Variants in ST3GAL4 observed in about 807,000 individuals in gnomAD.
The protein encoded by ST3GAL4 is ST3 beta-galactoside alpha-2,3-sialyltransferase 4.
A neutral mutation model predicts 42.6 loss-of-function variants in ST3GAL4; 24 were observed. The ratio of observed to expected loss-of-function variants is 0.56; its 90% CI spans 0.41 to 0.79. ST3GAL4 has a LOEUF of 0.79. ST3GAL4 is among the 30% of genes least tolerant of loss of function. The pLI is 0.00. For synonymous variants in ST3GAL4, 135 were observed against 163.2 expected (o/e 0.83, Z 1.32); for missense variants, 311 against 430.8 (o/e 0.72, Z 2.46).
intron 1 of ST3GAL4, among the ~76,000 whole-genome samples, chr11:126,389,750 TA>T (rs1317318850): frequency 1.3e-5 from 2 of 152,098 alleles, no homozygotes; most frequent in African/African-American, 2.4e-5. Flanking sequence ...TTGTTTATTT[TA>T]TTTTTTTATT....
chr11:126,374,394 G>T (rs1952758319), intron 1 of ST3GAL4, among the ~76,000 whole-genome samples: 2 of 143,168 alleles, frequency 1.4e-5, no homozygotes, highest in South Asian at 4.6e-4. Context: ...GGAGGTTACA[G>T]TGAGCCAAGA....
intron 1 of ST3GAL4, among the ~76,000 whole-genome samples, chr11:126,402,698 TAC>T (rs1355161298): frequency 2.6e-5 from 4 of 152,148 alleles, no homozygotes; most frequent in Admixed American, 2.6e-4. Context: ...ACCTGCTGAG[TAC>T]TCACTGTGTG....
rs376610358 is a variant in ST3GAL4, at chr11:126,383,544, G to A, written c.-60-22552G>A. ...GAAGCTGTATGTGGGCATGGGGGGC[G>A]GGGGCAGAGAGGAGGAGGACTGAGA... On this transcript the variant is annotated intron_variant, in intron 1 of 10. Coordinates refer to ENST00000444328, the MANE Select transcript of ST3GAL4 (RefSeq NM_001254757.2). The surrounding 1 kb of genome is among the most constrained non-coding windows in gnomAD (Gnocchi z 4.5). Among the ~76,000 whole-genome samples the A allele has an allele frequency of 1.3e-5, 2 of 152,262 alleles. No individual in the cohort carries two copies. Among genetic ancestry groups the A allele is most frequent in the African/African-American group, 2.4e-5 (1 of 41,550 alleles).
At position 126,391,542 on chromosome 11, in the gene ST3GAL4, TCTC is replaced by T. The variant is rs1426994677; in HGVS notation, c.-60-14551_-60-14549del. On this transcript the variant is annotated intron_variant, in intron 1 of 10. Coordinates refer to ENST00000444328, the MANE Select transcript of ST3GAL4 (RefSeq NM_001254757.2). This position sits in a 1 kb window ranked among gnomAD's most constrained non-coding sequence, Gnocchi z 5.5. ...GGTCTCCTTCCTTTTCCTCACCACTTCTCCTACCTAACCCCAAGAATGAGTCCT... is the reference window on the plus strand; with the variant it reads ...GGTCTCCTTCCTTTTCCTCACCACTTCTACCTAACCCCAAGAATGAGTCCT... Among the ~76,000 whole-genome samples, 10 of 152,100 alleles carry T rather than the reference TCTC, an allele frequency of 6.6e-5. No homozygotes were observed. The highest frequency in any genetic ancestry group is 2.2e-4 in the African/African-American group (9 of 41,418).
intron 1 of ST3GAL4, among the ~76,000 whole-genome samples, chr11:126,395,932 A>T (rs138206349): frequency 6.6e-6 from 1 of 152,178 alleles, no homozygotes; most frequent in Non-Finnish European, 1.5e-5. Context: ...AGTAGAGCAC[A>T]TGTGTCTCTG....
Position 126,384,634 on chromosome 11 carries a change from C to T in ST3GAL4, c.-60-21462C>T, listed in dbSNP as rs928082034. On this transcript the variant is annotated intron_variant, in intron 1 of 10. Transcript: ENST00000444328. This position sits in a 1 kb window ranked among gnomAD's most constrained non-coding sequence, Gnocchi z 5.5. ...AACTGGTCAGGGCCTGGCACCAACT[C>T]CAGGATGTGCTACACCCAGACAGAC... The T allele has an allele frequency of 1.0e-6, 1 of 978,316 alleles. No homozygotes were observed. The allele number at this position is 978,316 out of a possible 1,614,324, so 60.6% of individuals were successfully genotyped here.
At position 126,400,515 on chromosome 11, in the gene ST3GAL4, T is replaced by C. The variant is rs1953954273; in HGVS notation, c.-60-5581T>C. Among the ~76,000 whole-genome samples, 1 of 152,170 alleles carries C rather than the reference T, an allele frequency of 6.6e-6. No homozygotes were observed. Among genetic ancestry groups the C allele is most frequent in the South Asian group, 2.1e-4 (1 of 4,822 alleles). On this transcript the variant is annotated intron_variant, in intron 1 of 10. Transcript: ENST00000444328. The surrounding 1 kb of genome is among the most constrained non-coding windows in gnomAD (Gnocchi z 4.6). ...GCTACAGTGGGAGGGAAAAGGTGGC[T>C]CCCTTAGTGTGCTTGGGAGGAGGGT...
At position 126,384,631 on chromosome 11, in the gene ST3GAL4, A is replaced by G. The variant is rs982191787; in HGVS notation, c.-60-21465A>G. ...CGGAACTGGTCAGGGCCTGGCACCA[A>G]CTCCAGGATGTGCTACACCCAGACA... On this transcript the variant is annotated intron_variant, in intron 1 of 10. Transcript: ENST00000444328. The surrounding 1 kb of genome is among the most constrained non-coding windows in gnomAD (Gnocchi z 5.5). The G allele has an allele frequency of 2.1e-6, 2 of 972,170 alleles. No homozygotes were observed. The highest frequency in any genetic ancestry group is 1.1e-4 in the East Asian group (1 of 8,714). The allele number at this position is 972,170 out of a possible 1,614,324, so 60.2% of individuals were successfully genotyped here. A position where few individuals can be genotyped will look rare whatever the true frequency, so the allele number is the denominator to read the frequency against.
chr11:126,393,863 A>G lies in ST3GAL4; in HGVS notation c.-60-12233A>G, dbSNP rs1953616482. ...AAAAATAGGTGAAATTCGTTTTAAT[A>G]TTTTAACCCAATATAGCCAAAATCT... is the stretch of plus-strand genomic sequence containing the variant. On this transcript the variant is annotated intron_variant, in intron 1 of 10. Coordinates refer to ENST00000444328, the MANE Select transcript of ST3GAL4 (RefSeq NM_001254757.2). This position sits in a 1 kb window ranked among gnomAD's most constrained non-coding sequence, Gnocchi z 5.9. 6.6e-6 allele frequency among the ~76,000 whole-genome samples: 1 copy of G among 152,246 alleles called. No individual in the cohort carries two copies.
chr11:126,390,434 A>G (rs934344809), intron 1 of ST3GAL4, among the ~76,000 whole-genome samples: 2 of 151,820 alleles, frequency 1.3e-5, no homozygotes, highest in African/African-American at 4.8e-5. Context: ...GCACATATTC[A>G]GCCTCACTAG....
intron 1 of ST3GAL4, among the ~76,000 whole-genome samples, chr11:126,372,279 CTT>C (rs1363547351): frequency 3.3e-5 from 5 of 152,318 alleles, no homozygotes; most frequent in East Asian, 3.9e-4. Context: ...AGTTTGACTG[CTT>C]TTGAGTACCT....
At chr11:126,401,620 C>T (rs948108452) in intron 1 of ST3GAL4, among the ~76,000 whole-genome samples, 64 of 151,342 alleles carry the variant, frequency 4.2e-4, no homozygotes, top group Non-Finnish European at 6.9e-4. Flanking sequence ...CCTACTGTCC[C>T]GGAGGCAGGA....
chr11:126,378,220 C>T lies in ST3GAL4; in HGVS notation c.-61+22378C>T, dbSNP rs1012136265. Among the ~76,000 whole-genome samples, 1 of 152,106 alleles carries T rather than the reference C, an allele frequency of 6.6e-6. No homozygotes were observed. Among genetic ancestry groups the T allele is most frequent in the East Asian group, 1.9e-4 (1 of 5,192 alleles). Reference sequence around the variant, plus strand: ...CATAAAATGAATAATTCGGTGTTATCGATAGAAAGGGTCAAAGTGCATCCT... The same window carrying T: ...CATAAAATGAATAATTCGGTGTTATTGATAGAAAGGGTCAAAGTGCATCCT... On this transcript the variant is annotated intron_variant, in intron 1 of 10. Coordinates refer to ENST00000444328, the MANE Select transcript of ST3GAL4 (RefSeq NM_001254757.2). The surrounding 1 kb of genome is among the most constrained non-coding windows in gnomAD (Gnocchi z 5.3).
rs923196493 is a variant in ST3GAL4 at position 126,383,962 on chromosome 11, G to T, written c.-60-22134G>T. On this transcript the variant is annotated intron_variant, in intron 1 of 10. Transcript: ENST00000444328. This position sits in a 1 kb window ranked among gnomAD's most constrained non-coding sequence, Gnocchi z 4.5. ...GGGACAGGCTGCTGCAGGGTGGAGG[G>T]CTTGCTTTTCCTGCCCACCCTCATC... Among the ~76,000 whole-genome samples the T allele has an allele frequency of 3.3e-5, 5 of 152,140 alleles. No individual in the cohort carries two copies. The highest frequency in any genetic ancestry group is 6.5e-5 in the Admixed American group (1 of 15,282).
chr11:126,377,477 TTC>T (rs1173882776), intron 1 of ST3GAL4, among the ~76,000 whole-genome samples: 1 of 137,428 alleles, frequency 7.3e-6, no homozygotes, highest in Non-Finnish European at 1.5e-5. Flanking sequence ...GGCCAACACC[TTC>T]TTTTTTTTTT....
intron 1 of ST3GAL4, among the ~76,000 whole-genome samples, chr11:126,390,546 A>G (rs1448802047): frequency 6.6e-6 from 1 of 150,750 alleles, no homozygotes; most frequent in Non-Finnish European, 1.5e-5. Flanking sequence ...GTCACGAGTG[A>G]GCCTCAGCAT....
rs1434131621 is a variant in ST3GAL4, at chr11:126,414,169, A to G, written c.*122A>G. 1 of 943,408 alleles carries G rather than the reference A, an allele frequency of 1.1e-6. No individual in the cohort carries two copies. Among genetic ancestry groups the G allele is most frequent in the Non-Finnish European group, 1.7e-6 (1 of 589,690 alleles). The allele number at this position is 943,408 out of a possible 1,614,324, so 58.4% of individuals were successfully genotyped here. Reference sequence around the variant, plus strand: ...TGGACTCACCCCCTCTTGGGGAGGGAGTTCTGGGCCTGGCCAGGTCTGAGA... The same window carrying G: ...TGGACTCACCCCCTCTTGGGGAGGGGGTTCTGGGCCTGGCCAGGTCTGAGA... On this transcript the variant is annotated 3_prime_UTR_variant, in exon 11 of 11. Coordinates refer to ENST00000444328, the MANE Select transcript of ST3GAL4 (RefSeq NM_001254757.2).
rs1157050620 is a variant in ST3GAL4, at chr11:126,398,187, G to C, written c.-60-7909G>C. 1.3e-5 allele frequency among the ~76,000 whole-genome samples: 2 copies of C among 152,202 alleles called. No homozygotes were observed. Among genetic ancestry groups the C allele is most frequent in the South Asian group, 2.1e-4 (1 of 4,834 alleles). Reference sequence around the variant, plus strand: ...GAATCAAATTCCCCTCCAGTCATGGGCTGTGAAATCAAGCAAGTTGTCTGC... The same window carrying C: ...GAATCAAATTCCCCTCCAGTCATGGCCTGTGAAATCAAGCAAGTTGTCTGC... On this transcript the variant is annotated intron_variant, in intron 1 of 10. Coordinates refer to ENST00000444328, the MANE Select transcript of ST3GAL4 (RefSeq NM_001254757.2). This position sits in a 1 kb window ranked among gnomAD's most constrained non-coding sequence, Gnocchi z 4.7.
At chr11:126,380,299 C>T (rs1181457182) in intron 1 of ST3GAL4, among the ~76,000 whole-genome samples, 3 of 148,624 alleles carry the variant, frequency 2.0e-5, no homozygotes, top group South Asian at 2.1e-4. Flanking sequence ...GATTCCAGGT[C>T]ACGTAAGGTG....
Sources: gnomAD v4.1 joint callset for allele counts (sites outside exome capture counted in the v4.1 genomes callset) on GRCh38, gnomAD v4.1.1 for gene constraint, Gnocchi (gnomAD v3.1) non-coding constraint, MANE v1.5 for transcripts, NCBI Gene and HGNC (gene_info 2026-07-23, HGNC 2026-07-21) for gene names.